ZC3H12B: variants seen among roughly 807,000 people sequenced by gnomAD.
ZC3H12B encodes the protein probable ribonuclease ZC3H12B.
Under a neutral mutation model 43.9 loss-of-function variants are expected in ZC3H12B, and 7 were observed. The ratio of observed to expected loss-of-function variants is 0.16; its 90% CI spans 0.09 to 0.30. The LOEUF (loss-of-function observed/expected upper bound fraction) is 0.30, where lower values mean the gene tolerates loss of function less well. Among genes scored for constraint, ZC3H12B ranks in the 10% least tolerant of loss-of-function variants. ZC3H12B has a pLI of 1.00. For missense variants in ZC3H12B, 475 were observed against 670.2 expected, an observed-to-expected ratio of 0.71 and a Z score of 3.22; for synonymous variants, 222 against 241.7, an observed-to-expected ratio of 0.92 and a Z score of 0.76.
At chrX:65,047,946 C>T in the ZC3H12B span, among the ~76,000 whole-genome samples, 1 of 110,652 alleles carries the variant, frequency 9.0e-6, no homozygotes, top group Admixed American at 9.6e-5. Flanking sequence ...AACATGGTAT[C>T]TACCCTCTTA....
chrX:65,069,369 C>G, the ZC3H12B span, among the ~76,000 whole-genome samples: 1 of 107,225 alleles, frequency 9.3e-6, no homozygotes, highest in African/African-American at 3.4e-5. Context: ...TAACCTGTGT[C>G]CAAGCTTACT....
At chrX:65,093,610 C>A in the ZC3H12B span, among the ~76,000 whole-genome samples, 1 of 112,225 alleles carries the variant, frequency 8.9e-6, no homozygotes, top group Non-Finnish European at 1.9e-5. Flanking sequence ...TTAATGACTG[C>A]CCTGCTGGGT....
chrX:65,336,774 G>A, the ZC3H12B span, among the ~76,000 whole-genome samples: 4 of 112,303 alleles, frequency 3.6e-5, no homozygotes, highest in Non-Finnish European at 7.5e-5. Context: ...TTTGTCAGTA[G>A]CAAAGAGACC....
At chrX:65,197,387 C>G in the ZC3H12B span, among the ~76,000 whole-genome samples, 18 of 112,399 alleles carry the variant, frequency 1.6e-4, no homozygotes, top group South Asian at 5.1e-3. Context: ...TTATAAATAT[C>G]TGCTAAAATT....
the ZC3H12B span, among the ~76,000 whole-genome samples, chrX:65,113,541 G>A: frequency 9.4e-6 from 1 of 106,859 alleles, no homozygotes; most frequent in Non-Finnish European, 1.9e-5. Flanking sequence ...TCCAACCTGG[G>A]TGAGAGAATG....
At chrX:65,045,881 G>A in the ZC3H12B span, among the ~76,000 whole-genome samples, 17 of 111,882 alleles carry the variant, frequency 1.5e-4, no homozygotes, top group African/African-American at 4.9e-4. Flanking sequence ...GTTATCAAGC[G>A]TGAAAACAAC....
At chrX:65,461,614 A>T (rs780773432) in intron 3 of ZC3H12B, among the ~76,000 whole-genome samples, 3 of 111,968 alleles carry the variant, frequency 2.7e-5, no homozygotes, top group African/African-American at 9.7e-5. Context: ...AAAAAACCAA[A>T]CACCAAATGT....
rs374796333 is a variant in ZC3H12B, at chrX:65,423,401, G to A, written n.407+24697G>A. The stretch of plus-strand genomic sequence containing the variant: ...AGTAATGGGATTGCTGGATCAAATG[G>A]TATTTCTAGTTCTAGATCATTGAGG... On this transcript the variant is annotated intron_variant and non_coding_transcript_variant, in intron 3 of 5. Coordinates refer to the ZC3H12B transcript ENST00000617377. 1.5e-4 allele frequency among the ~76,000 whole-genome samples: 17 copies of A among 112,268 alleles called. No homozygotes were observed. The East Asian group carries it at 4.5e-3, about 29-fold the overall frequency.
At chrX:65,244,322 T>C in the ZC3H12B span, among the ~76,000 whole-genome samples, 1 of 110,823 alleles carries the variant, frequency 9.0e-6, no homozygotes, top group South Asian at 3.8e-4. Flanking sequence ...CCATAACAGA[T>C]GTAATGATAA....
At chrX:65,369,091 G>A (rs967614157) in intron 2 of ZC3H12B, 93 bp downstream of exon 4, 3 of 111,619 alleles carry the variant, frequency 2.7e-5, no homozygotes, top group Non-Finnish European at 3.8e-5. Context: ...AAAAGTTAAG[G>A]CATTTTATTT....
chrX:65,195,763 C>T, the ZC3H12B span, among the ~76,000 whole-genome samples: 1 of 112,004 alleles, frequency 8.9e-6, no homozygotes, highest in African/African-American at 3.2e-5. Context: ...ACCTTACTAA[C>T]ATGTTTACTT....
At chrX:65,221,913 C>G in the ZC3H12B span, among the ~76,000 whole-genome samples, 1 of 110,405 alleles carries the variant, frequency 9.1e-6, no homozygotes, top group African/African-American at 3.3e-5. Context: ...AATTACAGAC[C>G]AATATTCCTG....
At chrX:65,134,540 G>A in the ZC3H12B span, among the ~76,000 whole-genome samples, 6 of 111,575 alleles carry the variant, frequency 5.4e-5, no homozygotes, top group Non-Finnish European at 1.1e-4. Flanking sequence ...AGCAAGAGAG[G>A]CTGGAGAAGA....
At chrX:65,502,086 C>T (rs754898480) in exon 5 of ZC3H12B, 3 of 1,211,406 alleles carry the variant, frequency 2.5e-6, no homozygotes, top group Non-Finnish European at 3.4e-6. Flanking sequence ...AGTTCTGTCC[C>T]CTCGCTTGTG....
At chrX:65,142,673 T>C in the ZC3H12B span, among the ~76,000 whole-genome samples, 51 of 112,623 alleles carry the variant, frequency 4.5e-4, no homozygotes, top group Admixed American at 3.7e-3. Flanking sequence ...AGTTGATTTA[T>C]GTATAAGGTG....
chrX:65,263,275 T>C, the ZC3H12B span, among the ~76,000 whole-genome samples: 1 of 111,138 alleles, frequency 9.0e-6, no homozygotes, highest in Admixed American at 9.6e-5. Context: ...TAATACATTG[T>C]GATAGGGCTT....
the ZC3H12B span, among the ~76,000 whole-genome samples, chrX:65,320,021 A>G: frequency 9.0e-6 from 1 of 111,390 alleles, no homozygotes; most frequent in Non-Finnish European, 1.9e-5. Flanking sequence ...CACCACTCCT[A>G]TTAAATATAG....
chrX:65,244,909 G>A, the ZC3H12B span, among the ~76,000 whole-genome samples: 1 of 110,460 alleles, frequency 9.1e-6, no homozygotes, highest in Non-Finnish European at 1.9e-5. Context: ...TACCTGATAC[G>A]GTTACAAAGC....
chrX:65,053,691 C>T, the ZC3H12B span, among the ~76,000 whole-genome samples: 1 of 111,478 alleles, frequency 9.0e-6, no homozygotes, highest in African/African-American at 3.3e-5. Flanking sequence ...ACACTGACTT[C>T]CACAATGGTT....
Sources: gnomAD v4.1 joint callset for allele counts (sites outside exome capture counted in the v4.1 genomes callset) on GRCh38, gnomAD v4.1.1 for gene constraint, MANE v1.5 for transcripts, NCBI Gene and HGNC (gene_info 2026-07-23, HGNC 2026-07-21) for gene names.